ANGPT1: variants seen among roughly 807,000 people sequenced by gnomAD.
ANGPT1 encodes angiopoietin-1.
A neutral mutation model predicts 62.2 loss-of-function variants in ANGPT1; 17 were observed. The observed-to-expected ratio is 0.27, with a 90% CI of 0.19 to 0.41. The LOEUF (loss-of-function observed/expected upper bound fraction) is 0.41. Ranked by LOEUF, ANGPT1 falls within the 10% of genes least tolerant of loss-of-function variation. The pLI, the probability that ANGPT1 is intolerant of heterozygous loss-of-function variation, is 1.00. For synonymous variants in ANGPT1, 199 were observed against 198.9 expected (o/e 1.00, Z 0.00); for missense variants, 478 against 594.9 (o/e 0.80, Z 2.04).
chr8:107,310,978 TGTGA>T (rs58347467), intron 4 of ANGPT1, among the ~76,000 whole-genome samples: 55,298 of 141,876 alleles, frequency 0.39, 10,248 homozygotes, highest in Middle Eastern at 0.46. Context: ...TGAGTGTGTA[TGTGA>T]GTGTGTGTGT....
intron 1 of ANGPT1, among the ~76,000 whole-genome samples, chr8:107,450,705 G>GGT (rs140884696): frequency 0.099 from 14,139 of 142,284 alleles, 728 homozygotes; most frequent in South Asian, 0.16. Context: ...AATGGGAATA[G>GGT]GTGTGTGTGT....
At chr8:107,340,640 T>A (rs547273150) in intron 2 of ANGPT1, among the ~76,000 whole-genome samples, 1 of 150,756 alleles carries the variant, frequency 6.6e-6, no homozygotes, top group Non-Finnish European at 1.5e-5. Context: ...TCCGGTGAGG[T>A]GTGCCCAGCA....
chr8:107,292,045 C>T (rs953620665), intron 6 of ANGPT1, among the ~76,000 whole-genome samples: 3 of 152,064 alleles, frequency 2.0e-5, no homozygotes, highest in African/African-American at 7.2e-5. Context: ...TTCAAATGCA[C>T]ATTCTAATTC....
rs138217485 is a variant in ANGPT1 at position 107,308,815 on chromosome 8, G to A, written c.809-5448C>T. Among the ~76,000 whole-genome samples the A allele has an allele frequency of 1.5e-3, 226 of 152,254 alleles. 2 individuals are homozygous for A. Among genetic ancestry groups the A allele is most frequent in the African/African-American group, 4.3e-3 (179 of 41,562 alleles). On this transcript the variant is annotated intron_variant, in intron 4 of 8. Transcript: ENST00000517746. ...TAGAGACACAAACAGGTGCATGTCT[G>A]TCTTTCACCAGCCAACATTCAGTCA...
At position 107,482,414 on chromosome 8, in the gene ANGPT1, A is replaced by C. The variant is rs147888329; in HGVS notation, c.297+14848T>G. On this transcript the variant is annotated intron_variant, in intron 1 of 8. Transcript: ENST00000517746. ...TCTAGAGCCTGAGTTGAGGTGACTC[A>C]AATATGGAGACTCACTAACCACAGC... 6.4e-3 allele frequency among the ~76,000 whole-genome samples: 974 copies of C among 152,276 alleles called. 7 individuals are homozygous for C. Among genetic ancestry groups the C allele is most frequent in the African/African-American group, 0.023 (941 of 41,566 alleles).
intron 1 of ANGPT1, among the ~76,000 whole-genome samples, chr8:107,401,293 AT>A (rs1348988204): frequency 6.6e-6 from 1 of 151,980 alleles, no homozygotes; most frequent in African/African-American, 2.4e-5. Flanking sequence ...ACTGTGGACT[AT>A]TTCATTTCCG....
In ANGPT1 at chr8:107,481,119, G is replaced by A. The variant is rs749996446; in HGVS notation, c.297+16143C>T. Among the ~76,000 whole-genome samples the A allele has an allele frequency of 6.6e-5, 10 of 152,202 alleles. No individual in the cohort carries two copies. In the South Asian group the frequency reaches 1.7e-3, roughly 25 times the overall value. On this transcript the variant is annotated intron_variant, in intron 1 of 8. Transcript: ENST00000517746. Reference sequence around the variant, plus strand: ...GTCCTTCTTCACAACCACAATGCTCGTGCTAATTCATCTCATCAAACAAGG... The same window carrying A: ...GTCCTTCTTCACAACCACAATGCTCATGCTAATTCATCTCATCAAACAAGG...
intron 1 of ANGPT1, among the ~76,000 whole-genome samples, chr8:107,353,983 A>G (rs1280709995): frequency 6.6e-6 from 1 of 152,174 alleles, no homozygotes; most frequent in East Asian, 1.9e-4. Flanking sequence ...TGAGGCATAT[A>G]TAGAAGCTAT....
At chr8:107,411,097 G>A (rs550251191) in intron 1 of ANGPT1, among the ~76,000 whole-genome samples, 1 of 152,186 alleles carries the variant, frequency 6.6e-6, no homozygotes, top group Non-Finnish European at 1.5e-5. Context: ...ATTTAAAGAT[G>A]TTTTAAAAAA....
chr8:107,387,553 G>T (rs1301270265), intron 1 of ANGPT1, among the ~76,000 whole-genome samples: 1 of 151,908 alleles, frequency 6.6e-6, no homozygotes, highest in African/African-American at 2.4e-5. Flanking sequence ...ATTTGTAATA[G>T]TAATAAATAG....
At chr8:107,430,661 T>G (rs917215484) in intron 1 of ANGPT1, among the ~76,000 whole-genome samples, 1 of 152,114 alleles carries the variant, frequency 6.6e-6, no homozygotes, top group Non-Finnish European at 1.5e-5. Context: ...TAGTAAAAGA[T>G]GTGATGGTGG....
chr8:107,417,208 A>T (rs1810776513), intron 1 of ANGPT1, among the ~76,000 whole-genome samples: 1 of 152,114 alleles, frequency 6.6e-6, no homozygotes, highest in Non-Finnish European at 1.5e-5. Flanking sequence ...ATGGATAAAA[A>T]CCTATATGTA....
At chr8:107,303,134 T>C (rs1429628657) in intron 5 of ANGPT1, 106 bp downstream of exon 5, 20 of 1,341,022 alleles carry the variant, frequency 1.5e-5, no homozygotes, top group Admixed American at 2.1e-5. Context: ...AGTTCAGGCA[T>C]CTCTATATAT....
At chr8:107,477,343 T>C (rs1474750040) in intron 1 of ANGPT1, among the ~76,000 whole-genome samples, 1 of 152,188 alleles carries the variant, frequency 6.6e-6, no homozygotes, top group East Asian at 1.9e-4. Flanking sequence ...CATGATATTG[T>C]AACAGAACTG....
intron 1 of ANGPT1, among the ~76,000 whole-genome samples, chr8:107,418,790 G>A (rs1015919304): frequency 6.6e-6 from 1 of 152,118 alleles, no homozygotes; most frequent in African/African-American, 2.4e-5. Context: ...ATCCCAGTTG[G>A]GGCCAGCCAT....
chr8:107,310,397 G>C (rs562463417), intron 4 of ANGPT1, among the ~76,000 whole-genome samples: 4 of 152,112 alleles, frequency 2.6e-5, no homozygotes, highest in Non-Finnish European at 5.9e-5. Flanking sequence ...ACTGGCCTTT[G>C]AGTAAAGTGA....
At chr8:107,466,811 C>T (rs976400264) in intron 1 of ANGPT1, among the ~76,000 whole-genome samples, 3 of 151,912 alleles carry the variant, frequency 2.0e-5, no homozygotes, top group Non-Finnish European at 4.4e-5. Flanking sequence ...ACTTAGGAGG[C>T]TGAGATAAGA....
intron 8 of ANGPT1, among the ~76,000 whole-genome samples, chr8:107,263,336 AAG>A (rs1813538017): frequency 7.0e-6 from 1 of 142,434 alleles, no homozygotes; most frequent in South Asian, 2.4e-4. Flanking sequence ...CCTAGGCAAG[AAG>A]AGCAAAACTC....
intron 1 of ANGPT1, among the ~76,000 whole-genome samples, chr8:107,392,910 A>T (rs1360493609): frequency 6.6e-6 from 1 of 152,130 alleles, no homozygotes; most frequent in Non-Finnish European, 1.5e-5. Flanking sequence ...ATGTGTGCGG[A>T]TCTATTTCTG....
Sources: allele counts gnomAD v4.1 joint callset (sites outside exome capture counted in the v4.1 genomes callset), GRCh38; gene constraint gnomAD v4.1.1; transcripts MANE v1.5; gene names NCBI Gene and HGNC (gene_info 2026-07-23, HGNC 2026-07-21).